AK5: variants seen among roughly 807,000 people sequenced by gnomAD.
The protein encoded by AK5 is adenylate kinase isoenzyme 5.
AK5 carries 27 observed loss-of-function variants against 69.5 expected under a neutral mutation model. That is an observed-to-expected ratio of 0.39 (90% CI 0.29 to 0.54). The LOEUF is 0.54. Among genes scored for constraint, AK5 ranks in the 20% least tolerant of loss-of-function variants. The pLI is 0.71. For missense variants in AK5, 531 were observed against 700.4 expected (o/e 0.76, Z 2.73); for synonymous variants, 260 against 244.4 (o/e 1.06, Z -0.60).
At chr1:77,388,705 A>G (rs1648204515) in intron 6 of AK5, among the ~76,000 whole-genome samples, 1 of 151,850 alleles carries the variant, frequency 6.6e-6, no homozygotes, top group African/African-American at 2.4e-5. Flanking sequence ...TAAGAAAACT[A>G]TTATGCTCTA....
intron 10 of AK5, among the ~76,000 whole-genome samples, chr1:77,491,702 G>A (rs556583243): frequency 2.0e-4 from 31 of 152,268 alleles, no homozygotes; most frequent in African/African-American, 4.3e-4. Flanking sequence ...GAAAGAACTC[G>A]GATTATTTTA....
At chr1:77,470,263 G>C (rs894935918) in intron 8 of AK5, among the ~76,000 whole-genome samples, 2 of 152,190 alleles carry the variant, frequency 1.3e-5, no homozygotes, top group African/African-American at 4.8e-5. Flanking sequence ...CCAGCACTTA[G>C]TGAAGCCAAG....
rs577666161 is a variant in AK5, at chr1:77,352,438, T to C, written c.891+11870T>C. On this transcript the variant is annotated intron_variant, in intron 6 of 13. Transcript: ENST00000354567. ...GCCTGAAGCCAGTAAACAAGGGAGC[T>C]GAGGTTTGAAATAGATTCTATGTTA... 2.4e-3 allele frequency among the ~76,000 whole-genome samples: 369 copies of C among 152,244 alleles called. 1 individual carries two copies. Among genetic ancestry groups the C allele is most frequent in the Non-Finnish European group, 4.2e-3 (284 of 68,014 alleles).
chr1:77,310,536 C>T (rs2799550), intron 5 of AK5, among the ~76,000 whole-genome samples: 22,549 of 151,940 alleles, frequency 0.15, 2,181 homozygotes, highest in Non-Finnish European at 0.2. Flanking sequence ...CTCGCAACCA[C>T]GCCCGGCTAA....
intron 5 of AK5, among the ~76,000 whole-genome samples, chr1:77,336,919 A>G (rs1661392837): frequency 6.6e-6 from 1 of 152,154 alleles, no homozygotes; most frequent in Non-Finnish European, 1.5e-5. Context: ...TAAGGTTTCC[A>G]CTGAACTAGT....
At chr1:77,313,742 C>T in intron 5 of AK5, 2 of 491,656 alleles carry the variant, frequency 4.1e-6, no homozygotes, top group Non-Finnish European at 8.3e-6. Context: ...GGTACCATGG[C>T]AGCTGCTGCC....
chr1:77,538,360 CAAA>C lies in AK5; in HGVS notation c.1620+2332_1620+2334del, dbSNP rs142649086. Among the ~76,000 whole-genome samples the C allele has an allele frequency of 9.3e-4, 134 of 144,560 alleles. 1 individual carries two copies. Among genetic ancestry groups the C allele is most frequent in the African/African-American group, 1.3e-3 (51 of 38,414 alleles). The allele number at this position is 144,560 out of a possible 152,430, so 94.8% of individuals were successfully genotyped here. ...TCTCAAAAAAAAACAACAACAACAACAAAAAAAAAAAACATAAACAAAAGTGTT... is the reference window on the plus strand; with the variant it reads ...TCTCAAAAAAAAACAACAACAACAACAAAAAAAAACATAAACAAAAGTGTT... On this transcript the variant is annotated intron_variant, in intron 13 of 13. Coordinates refer to ENST00000354567, the MANE Select transcript of AK5 (RefSeq NM_174858.3).
At chr1:77,404,983 C>A (rs1213805720) in intron 6 of AK5, among the ~76,000 whole-genome samples, 1 of 152,124 alleles carries the variant, frequency 6.6e-6, no homozygotes, top group African/African-American at 2.4e-5. Flanking sequence ...GGATATAAGA[C>A]CCCCTAGAAA....
intron 5 of AK5, among the ~76,000 whole-genome samples, chr1:77,300,524 A>T (rs571740367): frequency 6.6e-6 from 1 of 152,124 alleles, no homozygotes; most frequent in African/African-American, 2.4e-5. Context: ...AGCCCTGATT[A>T]TTCTACACCC....
chr1:77,335,692 G>A (rs962517494), intron 5 of AK5, among the ~76,000 whole-genome samples: 1 of 152,214 alleles, frequency 6.6e-6, no homozygotes, highest in Admixed American at 6.5e-5. Flanking sequence ...AATCCCATGA[G>A]CATCCTTATG....
rs56891598 is a variant in AK5, at chr1:77,430,130, CAA to C, written c.1059+12426_1059+12427del. Reference sequence around the variant, plus strand: ...TTGGAGAAAAGCAATCTATGGAGTTCAAAAAAAAAAAACAAAAAAACAAGGCA... The same window carrying C: ...TTGGAGAAAAGCAATCTATGGAGTTCAAAAAAAAAACAAAAAAACAAGGCA... On this transcript the variant is annotated intron_variant, in intron 8 of 13. Coordinates refer to ENST00000354567, the MANE Select transcript of AK5 (RefSeq NM_174858.3). 4.4e-4 allele frequency among the ~76,000 whole-genome samples: 60 copies of C among 137,672 alleles called. 1 individual carries two copies. Among genetic ancestry groups the C allele is most frequent in the Admixed American group, 9.4e-4 (13 of 13,770 alleles). 90.3% of individuals were successfully genotyped at this position (137,672 alleles called of 152,430 possible).
At position 77,376,443 on chromosome 1, in the gene AK5, AAAAAAAAC is replaced by A. The variant is rs1320074074; in HGVS notation, c.892-34530_892-34523del. On this transcript the variant is annotated intron_variant, in intron 6 of 13. Coordinates refer to ENST00000354567, the MANE Select transcript of AK5 (RefSeq NM_174858.3). Reference sequence around the variant, plus strand: ...CAGTGCACTCAATGCCAAAAAAAAAAAAAAAAACAAAAAAAAAAAACATGTCTTACTTT... The same window carrying A: ...CAGTGCACTCAATGCCAAAAAAAAAAAAAAAAAAAAAACATGTCTTACTTT... 2.0e-3 allele frequency among the ~76,000 whole-genome samples: 242 copies of A among 121,442 alleles called. 2 individuals carry two copies. The highest frequency in any genetic ancestry group is 6.3e-3 in the African/African-American group (221 of 34,832). 79.7% of individuals were successfully genotyped at this position (121,442 alleles called of 152,430 possible). A position where few individuals can be genotyped will look rare whatever the true frequency, so the allele number is the denominator to read the frequency against.
At chr1:77,476,315 G>A (rs998797613) in intron 8 of AK5, among the ~76,000 whole-genome samples, 7 of 152,074 alleles carry the variant, frequency 4.6e-5, no homozygotes, top group Non-Finnish European at 1.0e-4. Flanking sequence ...ATGAAAACAT[G>A]GTTTAGAAAA....
chr1:77,547,271 C>CTTTTT lies in AK5; in HGVS notation c.1620+11250_1620+11254dup, dbSNP rs532879024. ...CAACATGTAATCAATATAAAGTTCTCTTTTTTTTTTTTTTTTTTTTTGAGA... is the reference window on the plus strand; with the variant it reads ...CAACATGTAATCAATATAAAGTTCTCTTTTTTTTTTTTTTTTTTTTTTTTTTGAGA... On this transcript the variant is annotated intron_variant, in intron 13 of 13. Transcript: ENST00000354567. Among the ~76,000 whole-genome samples the CTTTTT allele has an allele frequency of 2.6e-3, 284 of 107,428 alleles. 6 individuals carry two copies. Among genetic ancestry groups the CTTTTT allele is most frequent in the Non-Finnish European group, 4.3e-3 (236 of 55,412 alleles). 70.5% of individuals were successfully genotyped at this position (107,428 alleles called of 152,430 possible).
At chr1:77,287,278 C>A (rs1658412573) in intron 2 of AK5, 151 bp downstream of exon 2, 1 of 490,886 alleles carries the variant, frequency 2.0e-6, no homozygotes, top group Non-Finnish European at 3.3e-6. Context: ...GCTACTAATT[C>A]TAATCACTTC....
chr1:77,497,828 T>G (rs938659969), intron 10 of AK5, among the ~76,000 whole-genome samples: 3 of 152,144 alleles, frequency 2.0e-5, no homozygotes, highest in Non-Finnish European at 2.9e-5. Flanking sequence ...GCCATCCACC[T>G]GCCTTGGCCT....
At chr1:77,532,116 T>TC (rs1284395545) in intron 12 of AK5, 1 of 154,620 alleles carries the variant, frequency 6.5e-6, no homozygotes, top group African/African-American at 2.4e-5. Context: ...CCTCCACACC[T>TC]CCCTGCAAGC....
intron 6 of AK5, among the ~76,000 whole-genome samples, chr1:77,363,205 C>T (rs1390868101): frequency 1.3e-5 from 2 of 152,148 alleles, no homozygotes; most frequent in Non-Finnish European, 1.5e-5. Context: ...CAGTCTTCTC[C>T]ATTTCTGTTG....
intron 6 of AK5, among the ~76,000 whole-genome samples, chr1:77,364,997 G>A (rs929378648): frequency 6.6e-6 from 1 of 152,010 alleles, no homozygotes; most frequent in African/African-American, 2.4e-5. Context: ...AACAGTGTAT[G>A]GCCTACCCCT....
Sources: gnomAD v4.1 joint callset for allele counts (sites outside exome capture counted in the v4.1 genomes callset) on GRCh38, gnomAD v4.1.1 for gene constraint, MANE v1.5 for transcripts, NCBI Gene and HGNC (gene_info 2026-07-23, HGNC 2026-07-21) for gene names.